GRIK4: variants seen among roughly 807,000 people sequenced by gnomAD.
GRIK4 encodes glutamate ionotropic receptor kainate type subunit 4.
In GRIK4, 40 loss-of-function variants were observed where a neutral mutation model predicts 104.9. The ratio of observed to expected loss-of-function variants is 0.38; its 90% CI spans 0.30 to 0.50. The LOEUF is 0.50. Among genes scored for constraint, GRIK4 ranks in the 20% least tolerant of loss-of-function variants. The pLI is 0.93. For synonymous variants in GRIK4, 485 were observed against 524.9 expected (o/e 0.92, Z 1.04); for missense variants, 1,047 against 1,308.1 (o/e 0.80, Z 3.08).
chr11:120,845,995 G>A (rs141499752), intron 8 of GRIK4, among the ~76,000 whole-genome samples: 95 of 152,352 alleles, frequency 6.2e-4, no homozygotes, highest in African/African-American at 2.3e-3. Flanking sequence ...CTTGGGCACA[G>A]CAGTTTCTTA....
intron 1 of GRIK4, among the ~76,000 whole-genome samples, chr11:120,567,038 T>A (rs1948336613): frequency 6.8e-6 from 1 of 147,078 alleles, no homozygotes; most frequent in African/African-American, 2.6e-5. Context: ...GTGTAGTTGC[T>A]ATTCATAGGT....
At chr11:120,589,547 G>A (rs1948710535) in intron 1 of GRIK4, among the ~76,000 whole-genome samples, 1 of 152,144 alleles carries the variant, frequency 6.6e-6, no homozygotes, top group South Asian at 2.1e-4. Flanking sequence ...TGAATTAGAT[G>A]CAACTCCTGC....
intron 1 of GRIK4, among the ~76,000 whole-genome samples, chr11:120,629,432 C>G (rs1438625622): frequency 6.6e-6 from 1 of 152,162 alleles, no homozygotes; most frequent in Non-Finnish European, 1.5e-5. Context: ...AACACATTAG[C>G]TACTGTCGTT....
In GRIK4 at chr11:120,934,873, C is replaced by A. The variant is rs140698175; in HGVS notation, c.1477-5474C>A. Among the ~76,000 whole-genome samples the A allele has an allele frequency of 2.8e-3, 434 of 152,322 alleles. 1 individual carries two copies. The highest frequency in any genetic ancestry group is 1.0e-2 in the African/African-American group (414 of 41,580). Reference sequence around the variant, plus strand: ...GTCCTTTTCTTTCTCCGGAGACCTACCCTGTGGCTCTAATGGTCCCAGCTT... The same window carrying A: ...GTCCTTTTCTTTCTCCGGAGACCTAACCTGTGGCTCTAATGGTCCCAGCTT... On this transcript the variant is annotated intron_variant, in intron 13 of 20. Transcript: ENST00000527524.
chr11:120,656,729 C>G (rs1318391747), intron 2 of GRIK4, among the ~76,000 whole-genome samples: 1 of 152,168 alleles, frequency 6.6e-6, no homozygotes, highest in Non-Finnish European at 1.5e-5. Flanking sequence ...TGGTGGGCAT[C>G]TGTAATCCCA....
chr11:120,879,129 C>T (rs1954895756), intron 11 of GRIK4, among the ~76,000 whole-genome samples: 1 of 152,218 alleles, frequency 6.6e-6, no homozygotes. Flanking sequence ...GCAAGGACTT[C>T]AGACAGAGCT....
intron 1 of GRIK4, among the ~76,000 whole-genome samples, chr11:120,593,520 C>G (rs1408596177): frequency 6.6e-6 from 1 of 152,132 alleles, no homozygotes; most frequent in African/African-American, 2.4e-5. Context: ...TCAGGTCTGT[C>G]TTTCTCGTAT....
At chr11:120,877,158 G>A (rs1430187822) in intron 11 of GRIK4, among the ~76,000 whole-genome samples, 1 of 152,228 alleles carries the variant, frequency 6.6e-6, no homozygotes, top group Non-Finnish European at 1.5e-5. Flanking sequence ...TTGTCTGTAA[G>A]CAATAACAGC....
chr11:120,681,345 TCA>T (rs1565291896), intron 3 of GRIK4, among the ~76,000 whole-genome samples: 1 of 152,072 alleles, frequency 6.6e-6, no homozygotes, highest in Non-Finnish European at 1.5e-5. Context: ...TCTCCAAGCC[TCA>T]GTTTTCTCCT....
At chr11:120,639,157 G>A (rs1949437850) in intron 1 of GRIK4, among the ~76,000 whole-genome samples, 1 of 152,018 alleles carries the variant, frequency 6.6e-6, no homozygotes, top group South Asian at 2.1e-4. Context: ...TCACGCCATT[G>A]CACTCCAGCC....
At position 120,511,781 on chromosome 11, in the gene GRIK4, A is replaced by G. The variant is rs1947657752; in HGVS notation, c.-265A>G. ...TTCAGCTGCGGGCGGATCGGGCTGG[A>G]GCCGCCACGGCTGCTGCGGAAGAGG... On this transcript the variant is annotated 5_prime_UTR_variant, in exon 1 of 21. Transcript: ENST00000527524. The G allele has an allele frequency of 5.6e-6, 2 of 355,420 alleles. No individual in the cohort carries two copies. Among genetic ancestry groups the G allele is most frequent in the Non-Finnish European group, 1.1e-5 (2 of 176,198 alleles). 22.0% of individuals were successfully genotyped at this position (355,420 alleles called of 1,614,324 possible). A position where few individuals can be genotyped will look rare whatever the true frequency, so the allele number is the denominator to read the frequency against.
chr11:120,794,815 C>T (rs1251148558), intron 3 of GRIK4, among the ~76,000 whole-genome samples: 2 of 152,154 alleles, frequency 1.3e-5, no homozygotes, highest in Non-Finnish European at 2.9e-5. Context: ...GAGCAAGCTC[C>T]AAGGCTGGTA....
At chr11:120,802,408 C>G (rs1370322145) in intron 3 of GRIK4, among the ~76,000 whole-genome samples, 2 of 152,202 alleles carry the variant, frequency 1.3e-5, no homozygotes, top group Non-Finnish European at 1.5e-5. Context: ...GATGCCTGGA[C>G]CCGGGGACTT....
intron 3 of GRIK4, among the ~76,000 whole-genome samples, chr11:120,678,426 C>T (rs942612843): frequency 6.6e-6 from 1 of 151,866 alleles, no homozygotes; most frequent in African/African-American, 2.4e-5. Context: ...TGATGTTTAA[C>T]CAGGAATCAT....
At chr11:120,847,146 C>T (rs182152694) in intron 8 of GRIK4, among the ~76,000 whole-genome samples, 17 of 152,354 alleles carry the variant, frequency 1.1e-4, no homozygotes, top group Admixed American at 1.0e-3. Context: ...AACTAAATCT[C>T]ATCCTTCTAC....
chr11:120,790,679 G>A lies in GRIK4; in HGVS notation c.83-12014G>A, dbSNP rs542483710. ...GGGCCAGGCAGGTGCATCTGCAGTG[G>A]AGAGTAGCTAGGTTGGTGCAAGAGA... On this transcript the variant is annotated intron_variant, in intron 3 of 20. Transcript: ENST00000527524. Among the ~76,000 whole-genome samples the A allele has an allele frequency of 3.4e-4, 52 of 152,338 alleles. No homozygotes were observed. The South Asian group carries it at 0.011, about 32-fold the overall frequency.
At chr11:120,889,588 CATTTTTTTTTTTT>C (rs1232979612) in intron 11 of GRIK4, among the ~76,000 whole-genome samples, 5 of 67,148 alleles carry the variant, frequency 7.4e-5, no homozygotes, top group East Asian at 5.7e-4. Flanking sequence ...AAAGAGCTTA[CATTTTTTTTTTTT>C]TTTTTTTTTT....
At chr11:120,811,361 T>C (rs2135526784) in intron 4 of GRIK4, among the ~76,000 whole-genome samples, 1 of 152,332 alleles carries the variant, frequency 6.6e-6, no homozygotes, top group Non-Finnish European at 1.5e-5. Flanking sequence ...TCCCAGTTAA[T>C]TGCCATTTGC....
At chr11:120,685,031 A>G (rs1950254434) in intron 3 of GRIK4, among the ~76,000 whole-genome samples, 1 of 152,196 alleles carries the variant, frequency 6.6e-6, no homozygotes, top group Non-Finnish European at 1.5e-5. Flanking sequence ...AGGAAGTCAG[A>G]TGGAATGGAA....
Sources: gnomAD v4.1 joint callset for allele counts (sites outside exome capture counted in the v4.1 genomes callset) on GRCh38, gnomAD v4.1.1 for gene constraint, MANE v1.5 for transcripts, NCBI Gene and HGNC (gene_info 2026-07-23, HGNC 2026-07-21) for gene names.